The following MGMT variants were observed in gnomAD, a reference collection of about 807,000 sequenced individuals.
MGMT encodes O-6-methylguanine-DNA methyltransferase, also known as methylated-DNA--protein-cysteine methyltransferase.
A neutral mutation model predicts 15.9 loss-of-function variants in MGMT; 14 were observed. The observed-to-expected ratio is 0.88, with a 90% confidence interval of 0.58 to 1.37. MGMT has a LOEUF of 1.37. MGMT is among the 40% of genes most tolerant of loss of function. The pLI is 0.00. For synonymous variants in MGMT, 130 were observed against 118.2 expected (o/e 1.10, Z -0.65); for missense variants, 282 against 268.1 (o/e 1.05, Z -0.36).
intron 2 of MGMT, among the ~76,000 whole-genome samples, chr10:129,647,116 G>A (rs184827887): frequency 1.0e-3 from 155 of 152,128 alleles, no homozygotes; most frequent in African/African-American, 3.5e-3. Flanking sequence ...TAGCCCCCAC[G>A]CCAAGTCCCA....
intron 3 of MGMT, among the ~76,000 whole-genome samples, chr10:129,743,539 C>G (rs1848662063): frequency 6.6e-6 from 1 of 152,168 alleles, no homozygotes; most frequent in Non-Finnish European, 1.5e-5. Flanking sequence ...CTGTCCCTGC[C>G]CATTGTCCGC....
intron 3 of MGMT, among the ~76,000 whole-genome samples, chr10:129,722,236 C>A (rs909410544): frequency 5.3e-5 from 8 of 152,068 alleles, no homozygotes; most frequent in African/African-American, 1.9e-4. Flanking sequence ...AAAATGTATT[C>A]TATTTTTATA....
At chr10:129,569,214 C>T (rs936498643) in intron 2 of MGMT, among the ~76,000 whole-genome samples, 21 of 152,006 alleles carry the variant, frequency 1.4e-4, no homozygotes, top group African/African-American at 3.9e-4. Flanking sequence ...TCAGATGTGA[C>T]GATAGACATA....
chr10:129,595,975 A>G (rs572953394), intron 2 of MGMT, among the ~76,000 whole-genome samples: 45 of 152,274 alleles, frequency 3.0e-4, no homozygotes, highest in African/African-American at 7.7e-4. Context: ...GTTTATAGAA[A>G]GAGCTGGATA....
intron 2 of MGMT, among the ~76,000 whole-genome samples, chr10:129,577,233 T>C (rs1846494576): frequency 6.6e-6 from 1 of 152,070 alleles, no homozygotes; most frequent in African/African-American, 2.4e-5. Flanking sequence ...GCCAAGTCAA[T>C]CCTAAGCCAA....
intron 1 of MGMT, among the ~76,000 whole-genome samples, chr10:129,470,368 C>A (rs749071668): frequency 6.6e-6 from 1 of 152,074 alleles, no homozygotes; most frequent in African/African-American, 2.4e-5. Flanking sequence ...GGTTGGTGGA[C>A]ATAGTCTAGT....
At chr10:129,748,415 T>C (rs183332492) in intron 3 of MGMT, among the ~76,000 whole-genome samples, 1 of 152,306 alleles carries the variant, frequency 6.6e-6, no homozygotes, top group Non-Finnish European at 1.5e-5. Context: ...TCTTTGTTCT[T>C]TTGCTTCATT....
intron 3 of MGMT, among the ~76,000 whole-genome samples, chr10:129,724,015 C>G (rs558654371): frequency 6.6e-6 from 1 of 152,344 alleles, no homozygotes; most frequent in East Asian, 1.9e-4. Context: ...CAATTCCACT[C>G]TAGGGCATTT....
At chr10:129,673,769 CTA>C (rs1847753277) in intron 2 of MGMT, among the ~76,000 whole-genome samples, 2 of 152,110 alleles carry the variant, frequency 1.3e-5, no homozygotes, top group Admixed American at 6.5e-5. Flanking sequence ...TCATATGAAA[CTA>C]TGTTTTATGT....
At chr10:129,579,326 G>A (rs900073173) in intron 2 of MGMT, among the ~76,000 whole-genome samples, 5 of 152,180 alleles carry the variant, frequency 3.3e-5, no homozygotes, top group Non-Finnish European at 7.3e-5. Flanking sequence ...GTGCTCACCT[G>A]TACCTGCCTA....
intron 1 of MGMT, among the ~76,000 whole-genome samples, chr10:129,519,525 G>A (rs1845780808): frequency 6.6e-6 from 1 of 152,190 alleles, no homozygotes; most frequent in South Asian, 2.1e-4. Context: ...TGTCGCTCCA[G>A]GAGCACGAGA....
chr10:129,484,062 A>G (rs927630042), intron 1 of MGMT, among the ~76,000 whole-genome samples: 14 of 152,220 alleles, frequency 9.2e-5, no homozygotes, highest in Non-Finnish European at 1.5e-5. Context: ...GACCTGTCAT[A>G]CAAGGTCAGG....
chr10:129,732,116 T>C (rs921076381), intron 3 of MGMT, among the ~76,000 whole-genome samples: 5 of 151,952 alleles, frequency 3.3e-5, no homozygotes, highest in Admixed American at 6.6e-5. Flanking sequence ...CTCTAAAATA[T>C]TACTCACATT....
Position 129,515,113 on chromosome 10 carries a change from G to A in MGMT, c.-12-21128G>A, listed in dbSNP as rs560022293. ...CTGCAGTGGCTGGGGGCAGGAAGGA[G>A]GGCACAGTTCAGGGGATTGAGAGAC... On this transcript the variant is annotated intron_variant, in intron 1 of 4. Coordinates refer to ENST00000651593, the MANE Select transcript of MGMT (RefSeq NM_002412.5). Among the ~76,000 whole-genome samples the A allele has an allele frequency of 1.4e-4, 21 of 152,132 alleles. 1 individual carries two copies. The highest frequency in any genetic ancestry group is 4.3e-4 in the African/African-American group (18 of 41,392).
At chr10:129,752,013 T>G (rs1848755399) in intron 3 of MGMT, among the ~76,000 whole-genome samples, 1 of 152,008 alleles carries the variant, frequency 6.6e-6, no homozygotes, top group South Asian at 2.1e-4. Context: ...AAATATCCAT[T>G]AAATCCAATC....
intron 2 of MGMT, among the ~76,000 whole-genome samples, chr10:129,605,357 T>C (rs1846876598): frequency 6.6e-6 from 1 of 152,194 alleles, no homozygotes; most frequent in African/African-American, 2.4e-5. Flanking sequence ...TTTGGCCAGT[T>C]CCATTCCAGA....
At chr10:129,512,393 A>G (rs1263170869) in intron 1 of MGMT, among the ~76,000 whole-genome samples, 3 of 152,184 alleles carry the variant, frequency 2.0e-5, no homozygotes, top group Non-Finnish European at 4.4e-5. Context: ...TAGTTAATAA[A>G]CTAGTGTCTC....
chr10:129,515,646 G>A (rs775442783), intron 1 of MGMT, among the ~76,000 whole-genome samples: 23 of 152,202 alleles, frequency 1.5e-4, no homozygotes, highest in Admixed American at 4.6e-4. Context: ...CTGGGTTATG[G>A]ACCTTTGAAT....
At chr10:129,567,209 C>A (rs777333917) in intron 2 of MGMT, among the ~76,000 whole-genome samples, 7 of 152,190 alleles carry the variant, frequency 4.6e-5, no homozygotes, top group South Asian at 2.1e-4. Context: ...CCCATCCAGC[C>A]TGTGGCCCGT....
Sources: allele counts gnomAD v4.1 joint callset (sites outside exome capture counted in the v4.1 genomes callset), GRCh38; gene constraint gnomAD v4.1.1; transcripts MANE v1.5; gene names NCBI Gene and HGNC (gene_info 2026-07-23, HGNC 2026-07-21).